Variants in STS observed in about 807,000 individuals in gnomAD.
STS encodes the protein steroid sulfatase, also known as steryl-sulfatase.
STS carries 7 observed loss-of-function variants against 26.8 expected under a neutral mutation model. The ratio of observed to expected loss-of-function variants is 0.26; its 90% CI spans 0.15 to 0.49. STS has a LOEUF of 0.49. STS is among the 20% of genes least tolerant of loss of function. The pLI, the probability that STS is intolerant of heterozygous loss-of-function variation, is 0.98. For missense variants in STS, 434 were observed against 465.6 expected (o/e 0.93, Z 0.63); for synonymous variants, 199 against 189.4 (o/e 1.05, Z -0.42).
chrX:7,321,736 ATTG>A (rs1363766891), intron 8 of STS, among the ~76,000 whole-genome samples: 1 of 112,461 alleles, frequency 8.9e-6, no homozygotes, highest in East Asian at 2.8e-4. Context: ...CTTCACACCA[ATTG>A]TTTAAAACAG....
At chrX:7,149,248 CA>C (rs755639413) in intron 1 of STS, among the ~76,000 whole-genome samples, 470 of 90,853 alleles carry the variant, frequency 5.2e-3, no homozygotes, top group South Asian at 9.3e-3. Flanking sequence ...GGGAAAAAGA[CA>C]AAAAAAAAAA....
intron 2 of STS, among the ~76,000 whole-genome samples, chrX:7,238,936 G>A (rs1474938518): frequency 9.0e-6 from 1 of 111,397 alleles, no homozygotes; most frequent in African/African-American, 3.3e-5. Flanking sequence ...AGACTTCAGT[G>A]TAAAGACTTC....
At chrX:7,195,692 G>C (rs1239911210) in intron 2 of STS, among the ~76,000 whole-genome samples, 3 of 112,308 alleles carry the variant, frequency 2.7e-5, no homozygotes, top group African/African-American at 9.7e-5. Context: ...TTGGCAAACT[G>C]CTCCTGTTGG....
intron 2 of STS, among the ~76,000 whole-genome samples, chrX:7,206,799 C>T (rs1368334077): frequency 8.9e-6 from 1 of 112,369 alleles, no homozygotes; most frequent in African/African-American, 3.2e-5. Flanking sequence ...TTAGATACAT[C>T]ATCTCGATCC....
rs3833414 is a variant in STS, at chrX:7,257,828, TTG to T, written c.382+253_382+254del. ...GTGTGTGTGTGTGTGTGTTGTGTGT[TTG>T]TGTGTGTGTGTGCATGTGTGTATAG... On this transcript the variant is annotated intron_variant, in intron 5 of 10. Transcript: ENST00000674429. Among the ~76,000 whole-genome samples the T allele has an allele frequency of 0.35, 38,324 of 108,803 alleles. 5,080 individuals carry two copies. The highest frequency in any genetic ancestry group is 0.4 in the East Asian group (1,353 of 3,425). The allele number at this position is 108,803 out of a possible 115,157, so 94.5% of individuals were successfully genotyped here.
At chrX:7,219,782 C>A in intron 2 of STS, 1 of 962,133 alleles carries the variant, frequency 1.0e-6, no homozygotes, top group Non-Finnish European at 1.5e-6. Flanking sequence ...GTTGCATATT[C>A]TCCCAACATG....
Position 7,325,334 on chromosome X carries a change from T to C in STS, c.1082-5T>C. ...TTGCCTCTTACCTCTTTTTTGATCT[T>C]TTAGGAGGAAAAGCAAACAACTGGG... On this transcript the variant is annotated splice_region_variant and splice_polypyrimidine_tract_variant and intron_variant, in intron 8 of 10. Transcript: ENST00000674429. The C allele has an allele frequency of 5.8e-6, 7 of 1,210,999 alleles. No individual in the cohort carries two copies. The highest frequency in any genetic ancestry group is 7.8e-6 in the Non-Finnish European group (7 of 895,121).
chrX:7,276,114 G>T (rs201818660), intron 7 of STS, 27 bp downstream of exon 7: 9 of 1,203,791 alleles, frequency 7.5e-6, no homozygotes, highest in Middle Eastern at 2.4e-4. Context: ...TGAGTGCTTA[G>T]AAAGCTGCTA....
At chrX:7,252,203 G>A in intron 2 of STS, 1 of 558,915 alleles carries the variant, frequency 1.8e-6, no homozygotes, top group South Asian at 9.4e-5. Context: ...TTTGTCTCCT[G>A]ATGTCAGGGT....
intron 6 of STS, among the ~76,000 whole-genome samples, chrX:7,267,325 T>C (rs1318182622): frequency 8.9e-6 from 1 of 112,304 alleles, no homozygotes; most frequent in Non-Finnish European, 1.9e-5. Context: ...ATCATTACTA[T>C]GGTAATCGAG....
At position 7,250,654 on chromosome X, in the gene STS, C is replaced by A. The variant is rs188059210; in HGVS notation, c.-4-2542C>A. Reference sequence around the variant, plus strand: ...AGACTAAATGGCAAAAATGGTTTCACGTAATAATAGCAGGGTGCTTTTTAC... The same window carrying A: ...AGACTAAATGGCAAAAATGGTTTCAAGTAATAATAGCAGGGTGCTTTTTAC... On this transcript the variant is annotated intron_variant, in intron 2 of 10. Transcript: ENST00000674429. 8.0e-5 allele frequency among the ~76,000 whole-genome samples: 9 copies of A among 112,142 alleles called. No individual in the cohort carries two copies. The Admixed American group carries it at 8.5e-4, about 11-fold the overall frequency.
At chrX:7,300,112 T>A (rs1454496940) in intron 7 of STS, among the ~76,000 whole-genome samples, 1 of 111,939 alleles carries the variant, frequency 8.9e-6, no homozygotes, top group Non-Finnish European at 1.9e-5. Flanking sequence ...GGAGCCAGAT[T>A]TTTGCATTTC....
At chrX:7,293,968 A>T (rs6639807) in intron 7 of STS, among the ~76,000 whole-genome samples, 12,954 of 110,338 alleles carry the variant, frequency 0.12, 986 homozygotes, top group East Asian at 0.26. Context: ...AAATAAATTT[A>T]AAAAAAATAA....
rs771248651 is a variant in STS, at chrX:7,325,379, A to G, written c.1122A>G (p.Pro374=). The G allele has an allele frequency of 3.3e-6, 4 of 1,209,528 alleles. No individual in the cohort carries two copies. The East Asian group carries it at 1.2e-4, about 36-fold the overall frequency. ...ANNWEGGIRV[P]GILRWPRVIQ... is the part of the protein sequence containing the mutation. ...ACTGGGAAGGAGGTATCCGGGTTCC[A>G]GGCATCCTTCGTTGGCCCAGGGTGA... The change falls in exon 9 of 11, where the codon CCA becomes CCG. Residue 374 remains proline, a synonymous_variant. Coordinates refer to ENST00000674429, the MANE Select transcript of STS (RefSeq NM_001320752.2).
chrX:7,342,892 C>G (rs1334362250), intron 10 of STS, among the ~76,000 whole-genome samples: 2 of 111,237 alleles, frequency 1.8e-5, no homozygotes, highest in East Asian at 5.6e-4. Flanking sequence ...CTGGATGAGA[C>G]TAGGGTAATG....
At chrX:7,267,294 A>T (rs1490624581) in intron 6 of STS, among the ~76,000 whole-genome samples, 1 of 112,178 alleles carries the variant, frequency 8.9e-6, no homozygotes, top group African/African-American at 3.2e-5. Flanking sequence ...CTTATAGATA[A>T]GTTTGAAGAT....
intron 1 of STS, among the ~76,000 whole-genome samples, chrX:7,160,765 A>G (rs1933224890): frequency 8.9e-6 from 1 of 111,862 alleles, no homozygotes; most frequent in Admixed American, 9.5e-5. Flanking sequence ...AGGAATTAAC[A>G]GTTGTTTCAC....
At chrX:7,312,594 T>C (rs1408882783) in intron 8 of STS, among the ~76,000 whole-genome samples, 1 of 111,044 alleles carries the variant, frequency 9.0e-6, no homozygotes, top group Non-Finnish European at 1.9e-5. Context: ...GGCGGGTCTT[T>C]CCTGTGCTGT....
intron 2 of STS, among the ~76,000 whole-genome samples, chrX:7,214,983 T>TATATATACGTATATATAC (rs1469415633): frequency 2.4e-5 from 2 of 82,309 alleles, no homozygotes; most frequent in African/African-American, 9.3e-5. Flanking sequence ...TATATATACA[T>TATATATACGTATATATAC]ATATATACGT....
Sources: allele counts gnomAD v4.1 joint callset (sites outside exome capture counted in the v4.1 genomes callset), GRCh38; gene constraint gnomAD v4.1.1; transcripts MANE v1.5; gene names NCBI Gene and HGNC (gene_info 2026-07-23, HGNC 2026-07-21).